The following MYO1D variants were observed in gnomAD, a reference collection of about 807,000 sequenced individuals.
The protein encoded by MYO1D is unconventional myosin-Id.
In MYO1D, 83 loss-of-function variants were observed where a neutral mutation model predicts 122.0. The ratio of observed to expected loss-of-function variants is 0.68; its 90% CI spans 0.57 to 0.82. The LOEUF (loss-of-function observed/expected upper bound fraction) is 0.82. Ranked by LOEUF, MYO1D falls within the 40% of genes least tolerant of loss-of-function variation. MYO1D has a pLI of 0.00. For synonymous variants in MYO1D, 464 were observed against 446.9 expected, an observed-to-expected ratio of 1.04 and a Z score of -0.48; for missense variants, 1,157 against 1,269.5, an observed-to-expected ratio of 0.91 and a Z score of 1.35.
At chr17:32,500,864 C>G (rs1909294792) in intron 21 of MYO1D, among the ~76,000 whole-genome samples, 2 of 152,016 alleles carry the variant, frequency 1.3e-5, no homozygotes, top group African/African-American at 4.8e-5. Context: ...AAAAAATTAG[C>G]CGGGCATGGT....
intron 1 of MYO1D, among the ~76,000 whole-genome samples, chr17:32,837,254 CTT>C (rs35170619): frequency 1.6e-5 from 2 of 122,158 alleles, no homozygotes; most frequent in Non-Finnish European, 3.4e-5. Context: ...CCTGCCTTTT[CTT>C]TTTTTTTTTT....
At chr17:32,741,652 C>CAA (rs1712955098) in intron 13 of MYO1D, among the ~76,000 whole-genome samples, 1 of 152,096 alleles carries the variant, frequency 6.6e-6, no homozygotes, top group Non-Finnish European at 1.5e-5. Flanking sequence ...ATTTGACTTC[C>CAA]CAAGCACGTT....
chr17:32,631,427 G>A (rs2088004819), intron 20 of MYO1D, among the ~76,000 whole-genome samples: 2 of 152,146 alleles, frequency 1.3e-5, no homozygotes, highest in Non-Finnish European at 2.9e-5. Flanking sequence ...AGGAGGATTG[G>A]CTGAGGCCAG....
intron 1 of MYO1D, among the ~76,000 whole-genome samples, chr17:32,796,691 G>A (rs1292983959): frequency 3.3e-5 from 5 of 152,188 alleles, no homozygotes; most frequent in Non-Finnish European, 7.4e-5. Context: ...TGGGATTACA[G>A]GTGTGAGCCA....
Position 32,494,691 on chromosome 17 carries a change from G to T in MYO1D, c.*68C>A. On this transcript the variant is annotated 3_prime_UTR_variant, in exon 22 of 22. Transcript: ENST00000318217. ...GGTTTCTAGCGGGCATGGGTTGGGA[G>T]GCAGCAGCTGGACTGGGACCCAGGA... 2 of 1,489,736 alleles carry T rather than the reference G, an allele frequency of 1.3e-6. No homozygotes were observed. Among genetic ancestry groups the T allele is most frequent in the Non-Finnish European group, 9.0e-7 (1 of 1,115,854 alleles). 92.3% of individuals were successfully genotyped at this position (1,489,736 alleles called of 1,614,324 possible). A position where few individuals can be genotyped will look rare whatever the true frequency, so the allele number is the denominator to read the frequency against.
At chr17:32,749,389 T>C (rs73281837) in intron 11 of MYO1D, among the ~76,000 whole-genome samples, 5,855 of 152,266 alleles carry the variant, frequency 0.038, 373 homozygotes, top group African/African-American at 0.13. Context: ...TAGAGGAAGT[T>C]TGGGTCCCTG....
At chr17:32,705,102 T>C (rs1210819003) in intron 16 of MYO1D, among the ~76,000 whole-genome samples, 12 of 151,844 alleles carry the variant, frequency 7.9e-5, no homozygotes. Flanking sequence ...TGTTGACCCT[T>C]AAACAGCACA....
intron 21 of MYO1D, among the ~76,000 whole-genome samples, chr17:32,604,677 G>A (rs2087604877): frequency 6.6e-6 from 1 of 152,194 alleles, no homozygotes; most frequent in South Asian, 2.1e-4. Flanking sequence ...TAGTCTTCAT[G>A]GACTTGCAAA....
At chr17:32,655,003 A>G (rs2088455573) in intron 17 of MYO1D, among the ~76,000 whole-genome samples, 1 of 152,208 alleles carries the variant, frequency 6.6e-6, no homozygotes, top group Admixed American at 6.5e-5. Flanking sequence ...AAATAACTGA[A>G]GCTGTCATTA....
chr17:32,765,963 G>T (rs2090051983), intron 7 of MYO1D, among the ~76,000 whole-genome samples: 1 of 151,944 alleles, frequency 6.6e-6, no homozygotes. Context: ...GCTCACTGCA[G>T]CCTCAACGTC....
chr17:32,638,977 T>TG, intron 19 of MYO1D, 142 bp from the exon 20 acceptor site: 1 of 588,262 alleles, frequency 1.7e-6, no homozygotes, highest in East Asian at 2.8e-5. Context: ...AAGGAGTAGC[T>TG]GTTCCCATAC....
At chr17:32,873,763 G>C (rs111763606) in intron 1 of MYO1D, among the ~76,000 whole-genome samples, 55 of 152,308 alleles carry the variant, frequency 3.6e-4, no homozygotes, top group African/African-American at 1.3e-3. Flanking sequence ...TCTGTACAAT[G>C]AGAACCACAG....
At chr17:32,834,188 A>G (rs2090799956) in intron 1 of MYO1D, among the ~76,000 whole-genome samples, 1 of 152,222 alleles carries the variant, frequency 6.6e-6, no homozygotes, top group Non-Finnish European at 1.5e-5. Context: ...AGCCTGATCA[A>G]TATTAATTAA....
chr17:32,694,076 C>T (rs2089139459), intron 16 of MYO1D, among the ~76,000 whole-genome samples: 1 of 152,132 alleles, frequency 6.6e-6, no homozygotes, highest in Non-Finnish European at 1.5e-5. Flanking sequence ...ATTCTAATAG[C>T]GCTGCTTAGT....
chr17:32,611,232 C>T (rs916875151), intron 20 of MYO1D, among the ~76,000 whole-genome samples: 2 of 152,092 alleles, frequency 1.3e-5, no homozygotes, highest in Non-Finnish European at 1.5e-5. Flanking sequence ...TTCTCATTTA[C>T]GAAATCAGCG....
chr17:32,614,614 C>T (rs2087748121), intron 20 of MYO1D, among the ~76,000 whole-genome samples: 1 of 152,168 alleles, frequency 6.6e-6, no homozygotes, highest in African/African-American at 2.4e-5. Flanking sequence ...CTCCTTCTCC[C>T]TTCCCAGTCC....
chr17:32,684,604 T>C (rs886503128), intron 16 of MYO1D, among the ~76,000 whole-genome samples: 3 of 152,130 alleles, frequency 2.0e-5, no homozygotes, highest in African/African-American at 7.2e-5. Flanking sequence ...CCTTAGGGTA[T>C]AAGAGCACTA....
Position 32,721,128 on chromosome 17 carries a change from T to C in MYO1D, c.1808A>G (p.Asp603Gly). The change falls in exon 15 of 22, where the codon GAT becomes GGT. Residue 603 changes from aspartate to glycine, a missense_variant. Coordinates refer to ENST00000318217, the MANE Select transcript of MYO1D (RefSeq NM_015194.3). ...NDKKSPQIFD[D>G]ERCRHQVEYL... Reference sequence around the variant, plus strand: ...TTCTACTTGGTGCCGGCAGCGTTCATCATCAAATATCTGTGGAGATTTCTT... The same window carrying C: ...TTCTACTTGGTGCCGGCAGCGTTCACCATCAAATATCTGTGGAGATTTCTT... 1 of 1,614,136 alleles carries C rather than the reference T, an allele frequency of 6.2e-7. No individual in the cohort carries two copies. Among genetic ancestry groups the C allele is most frequent in the Non-Finnish European group, 8.5e-7 (1 of 1,179,996 alleles).
At chr17:32,524,951 C>G (rs566535883) in intron 21 of MYO1D, among the ~76,000 whole-genome samples, 1 of 152,358 alleles carries the variant, frequency 6.6e-6, no homozygotes, top group South Asian at 2.1e-4. Flanking sequence ...AGTCCTCCTG[C>G]ACTGGCCTCC....
Sources: gnomAD v4.1 joint callset for allele counts (sites outside exome capture counted in the v4.1 genomes callset) on GRCh38, gnomAD v4.1.1 for gene constraint, MANE v1.5 for transcripts, NCBI Gene and HGNC (gene_info 2026-07-23, HGNC 2026-07-21) for gene names.